The following DOCK8 variants were observed in gnomAD, a reference collection of about 807,000 sequenced individuals.
DOCK8 encodes the protein dedicator of cytokinesis 8.
DOCK8 carries 141 observed loss-of-function variants against 245.6 expected under a neutral mutation model. That is an observed-to-expected ratio of 0.57 (90% CI 0.50 to 0.66). DOCK8 has a LOEUF of 0.66. Among genes scored for constraint, DOCK8 ranks in the 30% least tolerant of loss-of-function variants. The pLI is 0.00. For missense variants in DOCK8, 2,965 were observed against 2,603.4 expected (o/e 1.14, Z -3.02); for synonymous variants, 1,168 against 970.2 (o/e 1.20, Z -3.79).
intron 2 of DOCK8, chr9:272,892 C>A (rs945550755): frequency 2.1e-5 from 5 of 234,802 alleles, no homozygotes; most frequent in Non-Finnish European, 3.5e-5. Context: ...AGCTCCAGCC[C>A]TCCTGTACTC....
chr9:283,743 A>C (rs977888604), intron 2 of DOCK8, among the ~76,000 whole-genome samples: 2 of 152,254 alleles, frequency 1.3e-5, no homozygotes, highest in African/African-American at 2.4e-5. Flanking sequence ...GTTATGACTG[A>C]ATAGAATTAT....
chr9:446,679 C>G (rs1456496649), intron 44 of DOCK8, 73 bp downstream of exon 44: 2 of 1,319,010 alleles, frequency 1.5e-6, no homozygotes, highest in African/African-American at 1.5e-5. Context: ...CCACAAACCT[C>G]TTTCACAGTG....
chr9:229,833 C>G (rs1259442301), intron 1 of DOCK8, among the ~76,000 whole-genome samples: 1 of 151,902 alleles, frequency 6.6e-6, no homozygotes, highest in Non-Finnish European at 1.5e-5. Flanking sequence ...GCCAACCAAA[C>G]CATCCAATGG....
At chr9:399,029 CAGA>C (rs1274639759) in intron 25 of DOCK8, 114 bp from the exon 26 acceptor site, 18 of 922,266 alleles carry the variant, frequency 2.0e-5, no homozygotes, top group Non-Finnish European at 3.1e-5. Context: ...CAGTGCCACC[CAGA>C]AGGACAGTGG....
intron 20 of DOCK8, among the ~76,000 whole-genome samples, chr9:378,513 G>C (rs895445432): frequency 5.9e-5 from 9 of 152,192 alleles, no homozygotes; most frequent in African/African-American, 2.2e-4. Flanking sequence ...CAGATCAAAC[G>C]TCCTGTGTTG....
At position 311,999 on chromosome 9, in the gene DOCK8, G is replaced by A; in HGVS notation, c.574G>A (p.Gly192Ser). The A allele has an allele frequency of 6.2e-7, 1 of 1,614,186 alleles. No homozygotes were observed. The highest frequency in any genetic ancestry group is 1.1e-5 in the South Asian group (1 of 91,086). The change falls in exon 6 of 48, where the codon GGC (glycine) becomes AGC (serine). Residue 192 changes from glycine (G) to serine (S), a missense_variant. By Grantham distance (56) the Gly-to-Ser change is moderately conservative. Transcript: ENST00000432829. Reference sequence around the variant, plus strand: ...CGTGCTGTGCGACGTGTCTGGGAAAGGCCCCGTCACTGCCTGTGACTTTGA... The same window carrying A: ...CGTGCTGTGCGACGTGTCTGGGAAAAGCCCCGTCACTGCCTGTGACTTTGA... ...LNVLCDVSGK[G>S]PVTACDFDLR...
intron 1 of DOCK8, among the ~76,000 whole-genome samples, chr9:230,675 G>T (rs1019185101): frequency 2.6e-5 from 4 of 151,442 alleles, no homozygotes; most frequent in African/African-American, 9.7e-5. Flanking sequence ...TTTTTCATGT[G>T]TTTTTTGGCT....
At chr9:284,161 C>T (rs6475996) in intron 2 of DOCK8, among the ~76,000 whole-genome samples, 1 of 151,836 alleles carries the variant, frequency 6.6e-6, no homozygotes, top group East Asian at 1.9e-4. Context: ...GGTTGGGTGG[C>T]GTGGGAGAGT....
At chr9:442,618 C>G (rs1201366369) in intron 42 of DOCK8, among the ~76,000 whole-genome samples, 1 of 151,154 alleles carries the variant, frequency 6.6e-6, no homozygotes, top group East Asian at 1.9e-4. Context: ...GAGAAACAGC[C>G]TAGAGAAAGG....
chr9:464,434 A>G lies in DOCK8; in HGVS notation c.*215A>G. 1 of 628,660 alleles carries G rather than the reference A, an allele frequency of 1.6e-6. No homozygotes were observed. 38.9% of individuals were successfully genotyped at this position (628,660 alleles called of 1,614,324 possible). On this transcript the variant is annotated 3_prime_UTR_variant, in exon 48 of 48. Transcript: ENST00000432829. ...ATACTGGGGGGTGGCGGGATGGAGGATGGGTACTCAGGCATGACTGCGTAT... is the reference window on the plus strand; with the variant it reads ...ATACTGGGGGGTGGCGGGATGGAGGGTGGGTACTCAGGCATGACTGCGTAT...
At chr9:362,671 C>T (rs2052786761) in intron 14 of DOCK8, among the ~76,000 whole-genome samples, 1 of 152,206 alleles carries the variant, frequency 6.6e-6, no homozygotes, top group Admixed American at 6.5e-5. Flanking sequence ...GGTCCAGTCG[C>T]TTAAACAGGT....
intron 1 of DOCK8, among the ~76,000 whole-genome samples, chr9:228,574 A>G (rs926977387): frequency 4.6e-5 from 7 of 152,066 alleles, no homozygotes; most frequent in Non-Finnish European, 7.4e-5. Flanking sequence ...TGCCTCCCCA[A>G]CATTTTTCAG....
intron 39 of DOCK8, among the ~76,000 whole-genome samples, chr9:438,578 G>A (rs75660959): frequency 0.022 from 3,382 of 152,272 alleles, 109 homozygotes; most frequent in African/African-American, 0.076. Context: ...CCCTAAAAGC[G>A]AGTACCTCTC....
chr9:262,908 A>C (rs1394959249), intron 1 of DOCK8, among the ~76,000 whole-genome samples: 1 of 151,988 alleles, frequency 6.6e-6, no homozygotes, highest in Non-Finnish European at 1.5e-5. Context: ...ATCTGTTTAC[A>C]TTTAATAACT....
chr9:344,387 T>C (rs2051765921), intron 14 of DOCK8, among the ~76,000 whole-genome samples: 1 of 152,220 alleles, frequency 6.6e-6, no homozygotes, highest in African/African-American at 2.4e-5. Flanking sequence ...TCTTCTCCAG[T>C]CCTTGTGTGC....
At chr9:252,072 C>T (rs763819080) in intron 1 of DOCK8, among the ~76,000 whole-genome samples, 1 of 149,006 alleles carries the variant, frequency 6.7e-6, no homozygotes, top group Non-Finnish European at 1.5e-5. Flanking sequence ...CACCTGGGTT[C>T]AAGTGATTCT....
intron 24 of DOCK8, among the ~76,000 whole-genome samples, chr9:393,831 G>T (rs1325438619): frequency 6.6e-6 from 1 of 152,146 alleles, no homozygotes; most frequent in African/African-American, 2.4e-5. Context: ...TGCCCAAAAG[G>T]GTTAACTGAA....
intron 4 of DOCK8, among the ~76,000 whole-genome samples, chr9:293,653 T>G (rs2049138067): frequency 6.6e-6 from 1 of 152,236 alleles, no homozygotes; most frequent in Non-Finnish European, 1.5e-5. Context: ...GTTTGGTACA[T>G]CCTTCTCTTT....
chr9:400,062 CTTCACCAT>C (rs1398014505), intron 26 of DOCK8, among the ~76,000 whole-genome samples: 21 of 91,056 alleles, frequency 2.3e-4, no homozygotes, highest in South Asian at 3.7e-4. Context: ...TCACCACCTC[CTTCACCAT>C]CACCATCACC....
Sources: gnomAD v4.1 joint callset for allele counts (sites outside exome capture counted in the v4.1 genomes callset) on GRCh38, gnomAD v4.1.1 for gene constraint, MANE v1.5 for transcripts, NCBI Gene and HGNC (gene_info 2026-07-23, HGNC 2026-07-21) for gene names.